The following FERMT2 variants were observed in gnomAD, a reference collection of about 807,000 sequenced individuals.
The protein encoded by FERMT2 is fermitin family homolog 2.
FERMT2 carries 15 observed loss-of-function variants against 82.7 expected under a neutral mutation model. The observed-to-expected ratio is 0.18, with a 90% confidence interval of 0.12 to 0.28. The LOEUF (loss-of-function observed/expected upper bound fraction) is 0.28. FERMT2 is among the 10% of genes least tolerant of loss of function. The pLI is 1.00. For synonymous variants in FERMT2, 274 were observed against 271.5 expected, an observed-to-expected ratio of 1.01 and a Z score of -0.09; for missense variants, 645 against 809.4, an observed-to-expected ratio of 0.80 and a Z score of 2.46.
intron 3 of FERMT2, among the ~76,000 whole-genome samples, chr14:52,895,336 C>G (rs1379411790): frequency 2.0e-5 from 3 of 152,152 alleles, no homozygotes; most frequent in Non-Finnish European, 4.4e-5. Flanking sequence ...CACACAACTC[C>G]AGACATTCTA....
chr14:52,890,138 AT>A (rs1886854085), intron 4 of FERMT2, among the ~76,000 whole-genome samples: 1 of 150,974 alleles, frequency 6.6e-6, no homozygotes, highest in African/African-American at 2.4e-5. Context: ...AAAAAAATAC[AT>A]AAAATAAAGA....
At chr14:52,896,092 T>G (rs1007196885) in intron 3 of FERMT2, among the ~76,000 whole-genome samples, 1 of 152,210 alleles carries the variant, frequency 6.6e-6, no homozygotes, top group African/African-American at 2.4e-5. Flanking sequence ...CGCACTATGA[T>G]GTTACAAAAG....
At position 52,913,869 on chromosome 14, in the gene FERMT2, C is replaced by T. The variant is rs112610550; in HGVS notation, c.391+5254G>A. 4.3e-3 allele frequency among the ~76,000 whole-genome samples: 653 copies of T among 151,910 alleles called. 8 individuals are homozygous for T. Among genetic ancestry groups the T allele is most frequent in the African/African-American group, 0.015 (619 of 41,408 alleles). ...AAAACATTTTATAGGAAAAAAGTGA[C>T]GAGATTTGATGACAGGATGCCAGTG... On this transcript the variant is annotated intron_variant, in intron 3 of 14. Coordinates refer to ENST00000341590, the MANE Select transcript of FERMT2 (RefSeq NM_006832.3).
At chr14:52,934,167 T>G (rs1161706540) in intron 2 of FERMT2, among the ~76,000 whole-genome samples, 2 of 152,344 alleles carry the variant, frequency 1.3e-5, no homozygotes, top group African/African-American at 2.4e-5. Flanking sequence ...ATACAAATAT[T>G]TGTAATATAC....
chr14:52,886,084 T>C (rs1261960298), intron 4 of FERMT2, among the ~76,000 whole-genome samples: 1 of 152,010 alleles, frequency 6.6e-6, no homozygotes, highest in Non-Finnish European at 1.5e-5. Flanking sequence ...TAATAGAATA[T>C]AAATGGCTAA....
intron 2 of FERMT2, among the ~76,000 whole-genome samples, chr14:52,922,203 AG>A (rs1888993362): frequency 6.6e-6 from 1 of 152,200 alleles, no homozygotes; most frequent in Non-Finnish European, 1.5e-5. Context: ...GGCATGCCTC[AG>A]AACTCTCCCA....
intron 2 of FERMT2, 102 bp downstream of exon 2, chr14:52,950,310 G>A: frequency 8.3e-7 from 1 of 1,200,370 alleles, no homozygotes; most frequent in Non-Finnish European, 1.2e-6. Flanking sequence ...TTTGCGAGAT[G>A]CCAAGATTTC....
intron 2 of FERMT2, among the ~76,000 whole-genome samples, chr14:52,949,279 G>T (rs937590933): frequency 6.6e-6 from 1 of 150,722 alleles, no homozygotes; most frequent in Non-Finnish European, 1.5e-5. Flanking sequence ...TGCTATTTCA[G>T]TACCTTTACA....
chr14:52,860,259 G>T, intron 13 of FERMT2, 82 bp downstream of exon 13: 2 of 1,218,832 alleles, frequency 1.6e-6, no homozygotes, highest in Non-Finnish European at 2.4e-6. Flanking sequence ...GTATGCTTTA[G>T]ATGTTTAATA....
chr14:52,905,561 G>A (rs1262571507), intron 3 of FERMT2, among the ~76,000 whole-genome samples: 3 of 152,204 alleles, frequency 2.0e-5, no homozygotes, highest in Non-Finnish European at 4.4e-5. Context: ...AGCAGTGGAG[G>A]GTGGAGATGG....
intron 2 of FERMT2, among the ~76,000 whole-genome samples, chr14:52,942,988 G>A (rs965806729): frequency 1.3e-5 from 2 of 152,092 alleles, no homozygotes; most frequent in Admixed American, 6.5e-5. Context: ...CGAGGTGGGC[G>A]GATCGCCTAA....
intron 4 of FERMT2, among the ~76,000 whole-genome samples, chr14:52,887,284 T>A (rs1024832580): frequency 6.6e-6 from 1 of 151,994 alleles, no homozygotes; most frequent in Non-Finnish European, 1.5e-5. Context: ...CCAGCACTTC[T>A]GAGAGACCAA....
intron 3 of FERMT2, among the ~76,000 whole-genome samples, chr14:52,910,526 GTCTT>G (rs1888257784): frequency 6.6e-6 from 1 of 151,880 alleles, no homozygotes; most frequent in Non-Finnish European, 1.5e-5. Flanking sequence ...TTTGACAACA[GTCTT>G]TCTGTCCAAA....
chr14:52,864,039 G>A (rs573660116), intron 12 of FERMT2, among the ~76,000 whole-genome samples: 1 of 151,594 alleles, frequency 6.6e-6, no homozygotes, highest in Non-Finnish European at 1.5e-5. Context: ...CTGACTAAAG[G>A]TTACTTTATT....
chr14:52,885,606 A>G (rs766170575), intron 4 of FERMT2, among the ~76,000 whole-genome samples: 10 of 151,970 alleles, frequency 6.6e-5, no homozygotes, highest in Non-Finnish European at 1.2e-4. Context: ...TAACTTAAAA[A>G]CTCTAAGGGG....
At chr14:52,943,704 A>T (rs1890197631) in intron 2 of FERMT2, among the ~76,000 whole-genome samples, 1 of 152,178 alleles carries the variant, frequency 6.6e-6, no homozygotes, top group African/African-American at 2.4e-5. Context: ...GCTCCCCAAC[A>T]TGTGTATGTT....
intron 12 of FERMT2, chr14:52,861,126 G>A (rs906526249): frequency 1.7e-5 from 20 of 1,195,538 alleles, no homozygotes; most frequent in East Asian, 5.4e-5. Flanking sequence ...AAAAAGTTGC[G>A]GTCACCTGCA....
chr14:52,936,977 A>T (rs1889865859), intron 2 of FERMT2, among the ~76,000 whole-genome samples: 1 of 151,846 alleles, frequency 6.6e-6, no homozygotes, highest in African/African-American at 2.4e-5. Context: ...CAACATGGTG[A>T]AACCCCATCT....
chr14:52,879,457 A>C (rs1342215186), intron 6 of FERMT2, among the ~76,000 whole-genome samples: 7 of 152,128 alleles, frequency 4.6e-5, no homozygotes, highest in Admixed American at 4.6e-4. Flanking sequence ...GTCAGCCCTC[A>C]AAAGTCTTAG....
Sources: gnomAD v4.1 joint callset for allele counts (sites outside exome capture counted in the v4.1 genomes callset) on GRCh38, gnomAD v4.1.1 for gene constraint, MANE v1.5 for transcripts, NCBI Gene and HGNC (gene_info 2026-07-23, HGNC 2026-07-21) for gene names.